Variants in SOS1 observed in about 807,000 individuals in gnomAD.
SOS1 encodes the protein SOS Ras/Rac guanine nucleotide exchange factor 1.
Under a neutral mutation model 157.6 loss-of-function variants are expected in SOS1, and 25 were observed. The observed-to-expected ratio is 0.16, with a 90% confidence interval of 0.12 to 0.22. The LOEUF (loss-of-function observed/expected upper bound fraction) is 0.22, where lower values mean the gene tolerates loss of function less well. Ranked by LOEUF, SOS1 falls within the 10% of genes least tolerant of loss-of-function variation. The probability of loss-of-function intolerance (pLI) is 1.00; values close to 1 mark genes in which losing one functional copy is unlikely to be tolerated. For missense variants in SOS1, 1,237 were observed against 1,599.1 expected, an observed-to-expected ratio of 0.77 and a Z score of 3.86; for synonymous variants, 528 against 534.0, an observed-to-expected ratio of 0.99 and a Z score of 0.16.
At chr2:39,059,759 T>G (rs1211074129) in intron 2 of SOS1, among the ~76,000 whole-genome samples, 5 of 152,172 alleles carry the variant, frequency 3.3e-5, no homozygotes, top group Admixed American at 1.3e-4. Flanking sequence ...ACACAATGAT[T>G]CTTGGAAATC....
intron 8 of SOS1, among the ~76,000 whole-genome samples, chr2:39,030,230 A>C (rs1459698800): frequency 8.6e-6 from 1 of 115,672 alleles, no homozygotes; most frequent in Non-Finnish European, 1.7e-5. Context: ...GGCCTAACAC[A>C]AAAAAAGAAA....
intron 1 of SOS1, among the ~76,000 whole-genome samples, chr2:39,095,232 G>A (rs1672730332): frequency 6.6e-6 from 1 of 150,950 alleles, no homozygotes; most frequent in African/African-American, 2.4e-5. Flanking sequence ...CCAGATGTAT[G>A]GTGTTTGCAT....
At chr2:39,020,605 T>G (rs571418593) in intron 10 of SOS1, among the ~76,000 whole-genome samples, 6 of 151,792 alleles carry the variant, frequency 4.0e-5, no homozygotes, top group African/African-American at 1.4e-4. Flanking sequence ...AGACCAGTAG[T>G]TCTTAAAAAC....
intron 1 of SOS1, among the ~76,000 whole-genome samples, chr2:39,091,532 A>G (rs1307694715): frequency 1.3e-5 from 2 of 152,068 alleles, no homozygotes; most frequent in Admixed American, 6.5e-5. Flanking sequence ...CTCATTCATG[A>G]ACAAAAAAAT....
chr2:39,106,892 T>C (rs906700054), intron 1 of SOS1, among the ~76,000 whole-genome samples: 31 of 152,172 alleles, frequency 2.0e-4, no homozygotes, highest in South Asian at 4.1e-4. Context: ...GAGTAAAAAT[T>C]TGGGGTGTTA....
intron 6 of SOS1, 113 bp from the exon 7 acceptor site, chr2:39,035,613 A>G: frequency 1.3e-6 from 1 of 745,552 alleles, no homozygotes; most frequent in Non-Finnish European, 2.3e-6. Flanking sequence ...GAAAGTCTCT[A>G]AGCAAAAATT....
intron 8 of SOS1, among the ~76,000 whole-genome samples, chr2:39,033,256 G>C (rs1380426598): frequency 6.6e-6 from 1 of 150,622 alleles, no homozygotes; most frequent in Non-Finnish European, 1.5e-5. Context: ...GAGTCTTGTG[G>C]ACTAATTAGA....
In SOS1 at chr2:39,117,665, G is replaced by A. The variant is rs59070462; in HGVS notation, c.87+2671C>T. On this transcript the variant is annotated intron_variant, in intron 1 of 22. Transcript: ENST00000402219. ...CATGTTCAGAAGTGTCCTATAACTGGTGAGATTTGAAAAACAGAAGGTGAG... is the reference window on the plus strand; with the variant it reads ...CATGTTCAGAAGTGTCCTATAACTGATGAGATTTGAAAAACAGAAGGTGAG... 2.4e-3 allele frequency among the ~76,000 whole-genome samples: 365 copies of A among 152,308 alleles called. 5 individuals carry two copies. Among genetic ancestry groups the A allele is most frequent in the African/African-American group, 8.3e-3 (343 of 41,570 alleles).
rs1668492425 is a variant in SOS1, at chr2:38,984,457, C to T, written c.*1367G>A. The T allele has an allele frequency of 6.6e-6, 1 of 151,740 alleles. No homozygotes were observed. The highest frequency in any genetic ancestry group is 1.5e-5 in the Non-Finnish European group (1 of 67,992). 9.4% of individuals were successfully genotyped at this position (151,740 alleles called of 1,614,324 possible). On this transcript the variant is annotated 3_prime_UTR_variant, in exon 23 of 23. Coordinates refer to ENST00000402219, the MANE Select transcript of SOS1 (RefSeq NM_005633.4). ...AGCAAGGTAGAATGTTCAATATAAA[C>T]CTTAACAAACTGTATACTTGTTGCT...
At chr2:39,091,311 G>C (rs970831922) in intron 1 of SOS1, among the ~76,000 whole-genome samples, 1 of 152,136 alleles carries the variant, frequency 6.6e-6, no homozygotes, top group African/African-American at 2.4e-5. Flanking sequence ...TCTTACCTTT[G>C]TACCCTAGTT....
chr2:39,117,172 G>A (rs947031123), intron 1 of SOS1, among the ~76,000 whole-genome samples: 3 of 151,972 alleles, frequency 2.0e-5, no homozygotes, highest in African/African-American at 4.8e-5. Flanking sequence ...GGGATTACAG[G>A]TGCCCACCAC....
intron 1 of SOS1, among the ~76,000 whole-genome samples, chr2:39,076,330 G>A (rs189351093): frequency 2.0e-5 from 3 of 152,026 alleles, no homozygotes; most frequent in Non-Finnish European, 4.4e-5. Context: ...AGCCCAGGAG[G>A]TGGAGGTTGC....
chr2:39,047,272 G>C (rs1311291268), intron 6 of SOS1, among the ~76,000 whole-genome samples: 1 of 152,062 alleles, frequency 6.6e-6, no homozygotes, highest in Non-Finnish European at 1.5e-5. Context: ...GCATTTTATT[G>C]TGTGAATATA....
rs1484133124 is a variant in SOS1, at chr2:39,007,207, A to C, written c.2511-14T>G. On this transcript the variant is annotated splice_polypyrimidine_tract_variant and intron_variant, in intron 15 of 22. Transcript: ENST00000402219. ...TCTACAATACATCTGGGAATAAAAA[A>C]AAAGTGAACTAAAGGTTTTAGAGTT... The C allele has an allele frequency of 6.6e-7, 1 of 1,516,384 alleles. No homozygotes were observed. The highest frequency in any genetic ancestry group is 1.7e-4 in the Middle Eastern group (1 of 5,810). The allele number at this position is 1,516,384 out of a possible 1,614,324, so 93.9% of individuals were successfully genotyped here. A position where few individuals can be genotyped will look rare whatever the true frequency, so the allele number is the denominator to read the frequency against.
At chr2:39,110,696 C>T (rs1322580993) in intron 1 of SOS1, among the ~76,000 whole-genome samples, 1 of 152,148 alleles carries the variant, frequency 6.6e-6, no homozygotes, top group Non-Finnish European at 1.5e-5. Context: ...ATGAAAGCTA[C>T]AAGTATAAAG....
intron 1 of SOS1, among the ~76,000 whole-genome samples, chr2:39,081,953 T>C (rs1672215741): frequency 6.6e-6 from 1 of 152,226 alleles, no homozygotes; most frequent in African/African-American, 2.4e-5. Flanking sequence ...CATATATTTA[T>C]GGGGTACATA....
At chr2:39,091,483 A>C (rs972790938) in intron 1 of SOS1, among the ~76,000 whole-genome samples, 1 of 151,126 alleles carries the variant, frequency 6.6e-6, no homozygotes, top group African/African-American at 2.4e-5. Context: ...CTCTTTTCCA[A>C]CTCCTTTTTT....
chr2:38,996,931 G>T lies in SOS1; in HGVS notation c.3072C>A (p.Leu1024=). The part of the protein sequence containing the change: ...LEIEPRNPKP[L]PRFPKKYSYP... ...ATATACAAATGCTTACAAATCTTGG[G>T]AGAGGCTTAGGGTTTCGTGGTTCTA... is the stretch of plus-strand genomic sequence containing the variant. Residue 1024 remains leucine (L), a synonymous_variant, in exon 19 of 23, where the codon CTC becomes CTA. Coordinates refer to ENST00000402219, the MANE Select transcript of SOS1 (RefSeq NM_005633.4). 2 of 1,511,218 alleles carry T rather than the reference G, an allele frequency of 1.3e-6. No homozygotes were observed. The highest frequency in any genetic ancestry group is 2.3e-5 in the East Asian group (1 of 44,240). 93.6% of individuals were successfully genotyped at this position (1,511,218 alleles called of 1,614,324 possible).
chr2:39,112,975 A>G (rs1673495402), intron 1 of SOS1, among the ~76,000 whole-genome samples: 1 of 151,908 alleles, frequency 6.6e-6, no homozygotes, highest in African/African-American at 2.4e-5. Context: ...GGTGGAGGCT[A>G]CAGTGAGCGG....
Sources: gnomAD v4.1 joint callset for allele counts (sites outside exome capture counted in the v4.1 genomes callset) on GRCh38, gnomAD v4.1.1 for gene constraint, MANE v1.5 for transcripts, NCBI Gene and HGNC (gene_info 2026-07-23, HGNC 2026-07-21) for gene names.